The following SPINK5 variants were observed in gnomAD, a reference collection of about 807,000 sequenced individuals.
The protein encoded by SPINK5 is serine peptidase inhibitor Kazal type 5, also known as serine protease inhibitor Kazal-type 5.
Under a neutral mutation model 151.8 loss-of-function variants are expected in SPINK5, and 125 were observed. The observed-to-expected ratio is 0.82, with a 90% CI of 0.71 to 0.96. SPINK5 has a LOEUF of 0.96. SPINK5 is among the 40% of genes least tolerant of loss of function. SPINK5 has a pLI of 0.00. For synonymous variants in SPINK5, 374 were observed against 395.3 expected, an observed-to-expected ratio of 0.95 and a Z score of 0.64; for missense variants, 1,194 against 1,291.9, an observed-to-expected ratio of 0.92 and a Z score of 1.16.
chr5:148,131,429 A>G, intron 31 of SPINK5, 40 bp downstream of exon 31: 1 of 1,612,850 alleles, frequency 6.2e-7, no homozygotes, highest in Non-Finnish European at 8.5e-7. Flanking sequence ...TCCAGTTTAG[A>G]ATTTCTCAGC....
rs1437370997 is a variant in SPINK5, at chr5:148,124,750, T to C, written c.2667-15T>C. 1.3e-6 allele frequency: 2 copies of C among 1,551,676 alleles called. No individual in the cohort carries two copies. Among genetic ancestry groups the C allele is most frequent in the Non-Finnish European group, 1.7e-6 (2 of 1,151,664 alleles). On this transcript the variant is annotated splice_polypyrimidine_tract_variant and intron_variant, in intron 27 of 32. Transcript: ENST00000256084. ...TTGAAAAATTACCCTATCTTTTTTT[T>C]TAATTATTCTGCAGTGATCGAGAAG... is the stretch of plus-strand genomic sequence containing the variant.
Position 148,095,912 on chromosome 5 carries a change from A to T in SPINK5, c.882+7A>T. The T allele has an allele frequency of 6.2e-7, 1 of 1,603,802 alleles. No homozygotes were observed. The highest frequency in any genetic ancestry group is 8.5e-7 in the Non-Finnish European group (1 of 1,172,282). ...AGTTAAAAGAGAAATTGTGGTGAGA[A>T]TCAGTTTGATCAATCTAGTTACAAC... On this transcript the variant is annotated splice_region_variant and intron_variant, in intron 10 of 32. Coordinates refer to ENST00000256084, the MANE Select transcript of SPINK5 (RefSeq NM_006846.4).
chr5:148,104,959 G>A lies in SPINK5; in HGVS notation c.1438G>A (p.Glu480Lys), dbSNP rs1753743583. The change falls in exon 16 of 33, where the codon GAA becomes AAA. Residue 480 changes from glutamate (E) to lysine (K), a missense_variant. Transcript: ENST00000256084. ...CSMCEAFFQQ[E>K]ERARAKAKRE... ...CTTTTCGGTTTCTTAAAGTCAACAA[G>A]AAGAAAGAGCAAGAGCAAAGGCTAA... is the stretch of plus-strand genomic sequence containing the variant. The A allele has an allele frequency of 1.2e-6, 2 of 1,613,190 alleles. No homozygotes were observed. The highest frequency in any genetic ancestry group is 2.7e-5 in the African/African-American group (2 of 74,846).
intron 5 of SPINK5, among the ~76,000 whole-genome samples, chr5:148,086,981 CATACATAT>C (rs1283007597): frequency 1.3e-5 from 2 of 150,360 alleles, no homozygotes; most frequent in African/African-American, 4.9e-5. Context: ...TACACACATA[CATACATAT>C]ATACATATAT....
At chr5:148,070,245 A>G (rs1305944094) in intron 2 of SPINK5, 78 bp from the exon 3 acceptor site, 1 of 1,525,648 alleles carries the variant, frequency 6.6e-7, no homozygotes, top group Non-Finnish European at 9.0e-7. Flanking sequence ...ACATATACAT[A>G]TATCTACATA....
rs1243172589 is a variant in SPINK5 at position 148,125,823 on chromosome 5, A to G, written c.2840A>G (p.Asn947Ser). The change falls in exon 29 of 33, where the codon AAC (asparagine) becomes AGC (serine). Residue 947 changes from asparagine (N) to serine (S), a missense_variant. Coordinates refer to ENST00000256084, the MANE Select transcript of SPINK5 (RefSeq NM_006846.4). ...GGTGCTGATGGAAAGTTCTATACAA[A>G]CAAGTGCTACATGTGCAGAGCTGTC... ...VHGADGKFYT[N>S]KCYMCRAVFL... The G allele has an allele frequency of 6.2e-7, 1 of 1,614,212 alleles. No individual in the cohort carries two copies. The highest frequency in any genetic ancestry group is 2.2e-5 in the East Asian group (1 of 44,886).
chr5:148,112,992 T>TA (rs1467823362), intron 20 of SPINK5, 58 bp downstream of exon 20: 17 of 1,601,774 alleles, frequency 1.1e-5, no homozygotes, highest in Non-Finnish European at 1.3e-5. Context: ...AGTATCTCTG[T>TA]AAAAATAACT....
At chr5:148,078,279 AT>A (rs1752935258) in intron 4 of SPINK5, among the ~76,000 whole-genome samples, 2 of 151,272 alleles carry the variant, frequency 1.3e-5, no homozygotes, top group South Asian at 4.1e-4. Flanking sequence ...GAGGCTCCAA[AT>A]TTATATAACA....
rs1754718327 is a variant in SPINK5, at chr5:148,137,237, A to T, written c.*246A>T. 1.7e-6 allele frequency: 1 copy of T among 575,360 alleles called. No individual in the cohort carries two copies. The highest frequency in any genetic ancestry group is 3.1e-6 in the Non-Finnish European group (1 of 323,364). 35.6% of individuals were successfully genotyped at this position (575,360 alleles called of 1,614,324 possible). On this transcript the variant is annotated 3_prime_UTR_variant, in exon 33 of 33. Transcript: ENST00000256084. ...GAGCCCTCAAAATGTCCTGATTACA[A>T]TGCTGTCTGTCCAACTGCCTGTTCA... is the stretch of plus-strand genomic sequence containing the variant.
chr5:148,067,883 G>A (rs1319774623), intron 2 of SPINK5, among the ~76,000 whole-genome samples: 2 of 152,052 alleles, frequency 1.3e-5, no homozygotes, highest in Non-Finnish European at 2.9e-5. Context: ...CAAAATTGCT[G>A]AGTTACAGCC....
intron 4 of SPINK5, among the ~76,000 whole-genome samples, chr5:148,078,802 A>G (rs1752949233): frequency 6.6e-6 from 1 of 150,792 alleles, no homozygotes; most frequent in Non-Finnish European, 1.5e-5. Context: ...AGAGATTTAA[A>G]TGGCTTAATC....
intron 4 of SPINK5, among the ~76,000 whole-genome samples, chr5:148,083,516 A>G (rs1753075945): frequency 6.6e-6 from 1 of 151,044 alleles, no homozygotes; most frequent in African/African-American, 2.4e-5. Flanking sequence ...GTGGTGATTT[A>G]TTTTTGTTCT....
In SPINK5 at chr5:148,137,381, A is replaced by C. The variant is rs1209544837; in HGVS notation, c.*390A>C. The C allele has an allele frequency of 2.4e-5, 6 of 253,438 alleles. No homozygotes were observed. The highest frequency in any genetic ancestry group is 4.6e-5 in the Non-Finnish European group (6 of 130,630). The allele number at this position is 253,438 out of a possible 1,614,324, so 15.7% of individuals were successfully genotyped here. Reference sequence around the variant, plus strand: ...ACCCTTTTGTCTTTTTGTGTTGCTAAACCCATTGGTGGACAGAGAATGTTC... The same window carrying C: ...ACCCTTTTGTCTTTTTGTGTTGCTACACCCATTGGTGGACAGAGAATGTTC... On this transcript the variant is annotated 3_prime_UTR_variant, in exon 33 of 33. Coordinates refer to ENST00000256084, the MANE Select transcript of SPINK5 (RefSeq NM_006846.4).
intron 12 of SPINK5, among the ~76,000 whole-genome samples, chr5:148,099,623 T>C (rs771799311): frequency 6.6e-6 from 1 of 152,128 alleles, no homozygotes; most frequent in Non-Finnish European, 1.5e-5. Context: ...GTATGCTTTC[T>C]ACATATGAGT....
chr5:148,070,990 A>T (rs1021699097), intron 3 of SPINK5, among the ~76,000 whole-genome samples: 1 of 151,926 alleles, frequency 6.6e-6, no homozygotes, highest in Non-Finnish European at 1.5e-5. Flanking sequence ...ATAGTTTCCA[A>T]CTCCTTGCAG....
chr5:148,077,872 C>T (rs1046855990), intron 4 of SPINK5, among the ~76,000 whole-genome samples: 3 of 149,724 alleles, frequency 2.0e-5, no homozygotes, highest in Non-Finnish European at 4.5e-5. Flanking sequence ...AATATTTAAC[C>T]CAAAACAAGA....
In SPINK5 at chr5:148,127,069, T is replaced by G; in HGVS notation, c.2954T>G (p.Phe985Cys). Residue 985 changes from phenylalanine (F) to cysteine (C), a missense_variant, in exon 30 of 33, where the codon TTC becomes TGC. Transcript: ENST00000256084. Reference sequence around the variant, plus strand: ...CAAGAGGAAGACAGCCCAGACTCTTTCAGTTCTCTGGTAAGGAGGACTATT... The same window carrying G: ...CAAGAGGAAGACAGCCCAGACTCTTGCAGTTCTCTGGTAAGGAGGACTATT... ...ASQEEDSPDS[F>C]SSLDSEMCKD... 1.9e-6 allele frequency: 3 copies of G among 1,612,894 alleles called. No individual in the cohort carries two copies. Among genetic ancestry groups the G allele is most frequent in the Non-Finnish European group, 2.5e-6 (3 of 1,179,278 alleles).
rs535084117 is a variant in SPINK5, at chr5:148,066,242, T to A, written c.81+870T>A. On this transcript the variant is annotated intron_variant, in intron 2 of 32. Transcript: ENST00000256084. ...TTTGTTTGATAAATTAAAAAATCAT[T>A]TTCTACTAGAAGTTAAATTTTTTAA... 1.4e-4 allele frequency among the ~76,000 whole-genome samples: 22 copies of A among 152,266 alleles called. No homozygotes were observed. The South Asian group carries it at 4.6e-3, about 32-fold the overall frequency.
intron 21 of SPINK5, among the ~76,000 whole-genome samples, chr5:148,115,109 G>A (rs757874457): frequency 1.3e-5 from 2 of 152,176 alleles, no homozygotes; most frequent in Non-Finnish European, 2.9e-5. Flanking sequence ...AAATTTGTCT[G>A]TGGTATGTTA....
Sources: allele counts gnomAD v4.1 joint callset (sites outside exome capture counted in the v4.1 genomes callset), GRCh38; gene constraint gnomAD v4.1.1; transcripts MANE v1.5; gene names NCBI Gene and HGNC (gene_info 2026-07-23, HGNC 2026-07-21).